The following DENND5A variants were observed in gnomAD, a reference collection of about 807,000 sequenced individuals.
The protein encoded by DENND5A is DENN domain-containing protein 5A.
Under a neutral mutation model 140.3 loss-of-function variants are expected in DENND5A, and 64 were observed. The ratio of observed to expected loss-of-function variants is 0.46; its 90% CI spans 0.37 to 0.56. The LOEUF (loss-of-function observed/expected upper bound fraction) is 0.56, where lower values mean the gene tolerates loss of function less well. Ranked by LOEUF, DENND5A falls within the 20% of genes least tolerant of loss-of-function variation. The pLI, the probability that DENND5A is intolerant of heterozygous loss-of-function variation, is 0.00. For synonymous variants in DENND5A, 605 were observed against 607.7 expected (o/e 1.00, Z 0.07); for missense variants, 1,292 against 1,593.8 (o/e 0.81, Z 3.22).
intron 8 of DENND5A, chr11:9,171,313 T>C (rs1407866235): frequency 6.5e-6 from 1 of 153,506 alleles, no homozygotes; most frequent in Admixed American, 6.5e-5. Flanking sequence ...CTGGGAATAA[T>C]GCCTGTCCCC....
At chr11:9,171,012 A>G (rs1396326386) in intron 8 of DENND5A, 2 of 629,742 alleles carry the variant, frequency 3.2e-6, no homozygotes, top group East Asian at 6.7e-5. Flanking sequence ...AGAAACAGGT[A>G]ACAAATGAGG....
At chr11:9,262,896 C>T (rs529567761) in intron 1 of DENND5A, among the ~76,000 whole-genome samples, 18 of 151,712 alleles carry the variant, frequency 1.2e-4, no homozygotes, top group Admixed American at 3.3e-4. Flanking sequence ...CGCCCGCCAC[C>T]ACGCCCGGCT....
At chr11:9,176,870 C>T (rs932396300) in intron 8 of DENND5A, 1 of 456,232 alleles carries the variant, frequency 2.2e-6, no homozygotes, top group Admixed American at 2.3e-5. Flanking sequence ...GCTTCCCATG[C>T]ACTTGAGGTT....
intron 1 of DENND5A, among the ~76,000 whole-genome samples, chr11:9,259,520 C>T (rs1044367476): frequency 1.3e-5 from 2 of 152,064 alleles, no homozygotes; most frequent in African/African-American, 4.8e-5. Flanking sequence ...GAGCCGAGAT[C>T]GTGCCACTGC....
intron 4 of DENND5A, among the ~76,000 whole-genome samples, 182 bp from the exon 5 acceptor site, chr11:9,193,863 C>G (rs1378183778): frequency 1.3e-5 from 2 of 152,116 alleles, no homozygotes; most frequent in Admixed American, 6.6e-5. Flanking sequence ...ACCAAGAGAC[C>G]CTTGTGGACC....
At chr11:9,191,089 C>T (rs1483070975) in intron 5 of DENND5A, among the ~76,000 whole-genome samples, 2 of 152,118 alleles carry the variant, frequency 1.3e-5, no homozygotes, top group Non-Finnish European at 2.9e-5. Flanking sequence ...CCACTGTCAC[C>T]ACTCCTTCCC....
At chr11:9,155,045 A>T (rs1847758804) in intron 12 of DENND5A, among the ~76,000 whole-genome samples, 1 of 151,984 alleles carries the variant, frequency 6.6e-6, no homozygotes, top group Admixed American at 6.6e-5. Flanking sequence ...GCTACTCAGG[A>T]GGCTGAGGCA....
chr11:9,240,254 C>CCAA (rs1036093659), intron 1 of DENND5A, among the ~76,000 whole-genome samples: 29 of 151,910 alleles, frequency 1.9e-4, no homozygotes, highest in Admixed American at 6.6e-4. Context: ...ATTAACCAGG[C>CCAA]GTTGTGGTGA....
At chr11:9,156,152 G>A (rs973996111) in intron 12 of DENND5A, among the ~76,000 whole-genome samples, 1 of 152,172 alleles carries the variant, frequency 6.6e-6, no homozygotes, top group African/African-American at 2.4e-5. Context: ...GGCCTAGGGA[G>A]AACATGGTGT....
At chr11:9,197,152 A>G (rs1314927993) in intron 4 of DENND5A, among the ~76,000 whole-genome samples, 1 of 151,176 alleles carries the variant, frequency 6.6e-6, no homozygotes, top group Non-Finnish European at 1.5e-5. Flanking sequence ...TAAAAACACA[A>G]AAATTAGCTG....
chr11:9,170,876 C>T (rs1848350158), intron 8 of DENND5A, 99 bp from the exon 9 acceptor site: 1 of 1,549,698 alleles, frequency 6.5e-7, no homozygotes, highest in African/African-American at 1.4e-5. Flanking sequence ...GCTACTCTTC[C>T]ATTTCCAGCC....
intron 15 of DENND5A, among the ~76,000 whole-genome samples, chr11:9,149,425 A>G (rs1443949556): frequency 6.6e-6 from 1 of 152,360 alleles, no homozygotes; most frequent in African/African-American, 2.4e-5. Context: ...AAACTTCAGT[A>G]AGTAGCAAGC....
intron 1 of DENND5A, among the ~76,000 whole-genome samples, chr11:9,246,520 G>A (rs1211109892): frequency 6.6e-6 from 1 of 150,390 alleles, no homozygotes; most frequent in African/African-American, 2.5e-5. Context: ...GCTGAGGCAG[G>A]AGAATCACTT....
chr11:9,198,128 T>C (rs1381925804), intron 4 of DENND5A, among the ~76,000 whole-genome samples: 1 of 152,124 alleles, frequency 6.6e-6, no homozygotes, highest in Admixed American at 6.6e-5. Context: ...AGGATGTCTG[T>C]TTCTCTGGAA....
In DENND5A at chr11:9,183,439, C is replaced by CT. The variant is rs149988674; in HGVS notation, c.1138-2356dup. On this transcript the variant is annotated intron_variant, in intron 5 of 22. Coordinates refer to ENST00000328194, the MANE Select transcript of DENND5A (RefSeq NM_015213.4). ...TTTTAAATTTCATACAGGTTTTTAACTTTTTTTTTTTTTTTGAGACAGAGT... is the reference window on the plus strand; with the variant it reads ...TTTTAAATTTCATACAGGTTTTTAACTTTTTTTTTTTTTTTTGAGACAGAGT... Among the ~76,000 whole-genome samples, 320 of 144,322 alleles carry CT rather than the reference C, an allele frequency of 2.2e-3. 1 individual carries two copies. The highest frequency in any genetic ancestry group is 3.6e-3 in the Middle Eastern group (1 of 280). 94.7% of individuals were successfully genotyped at this position (144,322 alleles called of 152,430 possible).
chr11:9,224,029 T>TA (rs1380850312), intron 1 of DENND5A, among the ~76,000 whole-genome samples: 4 of 151,812 alleles, frequency 2.6e-5, no homozygotes, highest in Non-Finnish European at 4.4e-5. Flanking sequence ...CTGTCTCTAC[T>TA]AAAAAAATAC....
At chr11:9,262,174 T>C (rs952360417) in intron 1 of DENND5A, among the ~76,000 whole-genome samples, 49 of 152,184 alleles carry the variant, frequency 3.2e-4, no homozygotes, top group African/African-American at 1.2e-3. Flanking sequence ...CATTCTTTTT[T>C]TATAGATGAG....
At chr11:9,221,567 T>A (rs1197280876) in intron 1 of DENND5A, among the ~76,000 whole-genome samples, 3 of 152,094 alleles carry the variant, frequency 2.0e-5, no homozygotes, top group African/African-American at 7.2e-5. Context: ...GGTTTCACCA[T>A]GTTAGCCAGG....
intron 3 of DENND5A, among the ~76,000 whole-genome samples, chr11:9,205,893 C>T (rs1464930233): frequency 6.6e-6 from 1 of 152,138 alleles, no homozygotes; most frequent in Non-Finnish European, 1.5e-5. Context: ...GAATGAGACC[C>T]TGTCTCAAAA....
Sources: allele counts gnomAD v4.1 joint callset (sites outside exome capture counted in the v4.1 genomes callset), GRCh38; gene constraint gnomAD v4.1.1; transcripts MANE v1.5; gene names NCBI Gene and HGNC (gene_info 2026-07-23, HGNC 2026-07-21).